The following SLC6A11 variants were observed in gnomAD, a reference collection of about 807,000 sequenced individuals.
SLC6A11 encodes the protein solute carrier family 6 member 11.
In SLC6A11, 25 loss-of-function variants were observed where a neutral mutation model predicts 74.8. That is an observed-to-expected ratio of 0.33 (90% CI 0.24 to 0.47). The LOEUF (loss-of-function observed/expected upper bound fraction) is 0.47. Ranked by LOEUF, SLC6A11 falls within the 20% of genes least tolerant of loss-of-function variation. The pLI is 1.00. For synonymous variants in SLC6A11, 330 were observed against 330.2 expected (o/e 1.00, Z 0.01); for missense variants, 574 against 837.0 (o/e 0.69, Z 3.88).
chr3:10,928,205 C>G (rs953896738), intron 9 of SLC6A11, among the ~76,000 whole-genome samples: 1 of 152,146 alleles, frequency 6.6e-6, no homozygotes, highest in African/African-American at 2.4e-5. Flanking sequence ...ATTTAGCAAA[C>G]ATTTCCTGAG....
At chr3:10,909,585 C>T (rs1184436689) in intron 6 of SLC6A11, among the ~76,000 whole-genome samples, 1 of 152,204 alleles carries the variant, frequency 6.6e-6, no homozygotes, top group Non-Finnish European at 1.5e-5. Context: ...GGCCTGCACA[C>T]TCTGGCCCAG....
chr3:10,821,804 ATTT>A (rs67912503), intron 3 of SLC6A11, among the ~76,000 whole-genome samples: 4 of 149,876 alleles, frequency 2.7e-5, no homozygotes, highest in African/African-American at 9.8e-5. Flanking sequence ...GTGTCCAGTA[ATTT>A]TTTTTTTTAA....
intron 4 of SLC6A11, among the ~76,000 whole-genome samples, chr3:10,837,480 G>A (rs1559555800): frequency 6.6e-6 from 1 of 152,174 alleles, no homozygotes. Context: ...GAACAGATAT[G>A]GCTTCAAGAT....
At chr3:10,845,310 C>A (rs781429553) in intron 5 of SLC6A11, among the ~76,000 whole-genome samples, 8 of 152,172 alleles carry the variant, frequency 5.3e-5, no homozygotes, top group African/African-American at 9.7e-5. Flanking sequence ...ACAGTCCCCA[C>A]CATTCCATAT....
chr3:10,827,847 C>A (rs560005708), intron 4 of SLC6A11, among the ~76,000 whole-genome samples: 1 of 152,164 alleles, frequency 6.6e-6, no homozygotes, highest in Non-Finnish European at 1.5e-5. Context: ...CTGCCCACTC[C>A]CCATCTTGAA....
At chr3:10,929,569 AGAGGG>A (rs1695656928) in intron 10 of SLC6A11, among the ~76,000 whole-genome samples, 1 of 152,192 alleles carries the variant, frequency 6.6e-6, no homozygotes, top group Non-Finnish European at 1.5e-5. Flanking sequence ...TGTTATTCAC[AGAGGG>A]GAGTCACACT....
chr3:10,906,054 C>T (rs1047100234), intron 6 of SLC6A11, among the ~76,000 whole-genome samples: 10 of 152,066 alleles, frequency 6.6e-5, no homozygotes, highest in Non-Finnish European at 1.2e-4. Context: ...ATGTCTCAAA[C>T]TTCCCTTCTC....
intron 4 of SLC6A11, among the ~76,000 whole-genome samples, chr3:10,837,824 C>A (rs1052180182): frequency 6.6e-6 from 1 of 152,182 alleles, no homozygotes; most frequent in African/African-American, 2.4e-5. Flanking sequence ...TGGACTCTGT[C>A]GGAGTCCCCC....
intron 4 of SLC6A11, among the ~76,000 whole-genome samples, chr3:10,843,379 C>T (rs1317201632): frequency 6.6e-6 from 1 of 152,142 alleles, no homozygotes; most frequent in Non-Finnish European, 1.5e-5. Flanking sequence ...CCTTCTGATC[C>T]CTGCCTCCCA....
chr3:10,903,771 G>C (rs1361486100), intron 6 of SLC6A11, among the ~76,000 whole-genome samples: 1 of 152,206 alleles, frequency 6.6e-6, no homozygotes, highest in Non-Finnish European at 1.5e-5. Flanking sequence ...TGCTCTCCAA[G>C]AGCCAGGACG....
rs1488900778 is a variant in SLC6A11, at chr3:10,926,620, C to T, written c.1233+504C>T. 6.6e-6 allele frequency among the ~76,000 whole-genome samples: 1 copy of T among 152,154 alleles called. No homozygotes were observed. Among genetic ancestry groups the T allele is most frequent in the Non-Finnish European group, 1.5e-5 (1 of 68,032 alleles). On this transcript the variant is annotated intron_variant, in intron 9 of 13. Coordinates refer to ENST00000254488, the MANE Select transcript of SLC6A11 (RefSeq NM_014229.3). The surrounding 1 kb of genome is among the most constrained non-coding windows in gnomAD (Gnocchi z 5.7). ...CCAGCTCTGCCCCGCCACCGCCTGC[C>T]TGTCTCTGTGCTCGGCCCTCCCTAG...
chr3:10,870,514 T>TGGCA (rs1217497836), intron 5 of SLC6A11, among the ~76,000 whole-genome samples: 1 of 151,990 alleles, frequency 6.6e-6, no homozygotes, highest in Non-Finnish European at 1.5e-5. Flanking sequence ...GAGGGAAGAG[T>TGGCA]GGCAGTATGT....
intron 5 of SLC6A11, among the ~76,000 whole-genome samples, chr3:10,850,545 A>G (rs1694560111): frequency 6.7e-6 from 1 of 148,332 alleles, no homozygotes; most frequent in South Asian, 2.2e-4. Flanking sequence ...GAGGGCAGGT[A>G]ACCTCCTCAG....
At chr3:10,847,197 T>G (rs1023311481) in intron 5 of SLC6A11, among the ~76,000 whole-genome samples, 1 of 152,132 alleles carries the variant, frequency 6.6e-6, no homozygotes, top group African/African-American at 2.4e-5. Flanking sequence ...AAGCAGAAGA[T>G]TGGGATTAAC....
At chr3:10,850,004 T>G (rs1276535910) in intron 5 of SLC6A11, among the ~76,000 whole-genome samples, 1 of 151,986 alleles carries the variant, frequency 6.6e-6, no homozygotes, top group Non-Finnish European at 1.5e-5. Flanking sequence ...CCCTGGATGT[T>G]TTTGTGCTTC....
At chr3:10,827,990 T>C (rs910118977) in intron 4 of SLC6A11, among the ~76,000 whole-genome samples, 1 of 152,218 alleles carries the variant, frequency 6.6e-6, no homozygotes, top group Non-Finnish European at 1.5e-5. Context: ...CTTCCTAATG[T>C]CAGACTTCAA....
intron 6 of SLC6A11, among the ~76,000 whole-genome samples, chr3:10,881,746 C>T (rs1575687902): frequency 6.6e-6 from 1 of 152,164 alleles, no homozygotes. Flanking sequence ...TCCGTTGGCA[C>T]CTTCCCACCC....
intron 5 of SLC6A11, among the ~76,000 whole-genome samples, chr3:10,870,009 T>G (rs973352821): frequency 6.6e-6 from 1 of 152,122 alleles, no homozygotes; most frequent in Non-Finnish European, 1.5e-5. Flanking sequence ...CCTGAATATA[T>G]GAGGGGGCAG....
intron 4 of SLC6A11, among the ~76,000 whole-genome samples, chr3:10,839,959 C>A (rs191398016): frequency 1.4e-4 from 22 of 152,252 alleles, no homozygotes; most frequent in Admixed American, 1.3e-3. Flanking sequence ...TCCAGTCACC[C>A]ATTCCTCTCC....
Sources: gnomAD v4.1 joint callset for allele counts (sites outside exome capture counted in the v4.1 genomes callset) on GRCh38, gnomAD v4.1.1 for gene constraint, Gnocchi (gnomAD v3.1) non-coding constraint, MANE v1.5 for transcripts, NCBI Gene and HGNC (gene_info 2026-07-23, HGNC 2026-07-21) for gene names.